FRMD4A: variants seen among roughly 807,000 people sequenced by gnomAD.
FRMD4A encodes the protein FERM domain containing 4A.
A neutral mutation model predicts 129.1 loss-of-function variants in FRMD4A; 29 were observed. The ratio of observed to expected loss-of-function variants is 0.22; its 90% confidence interval spans 0.17 to 0.31. The LOEUF (loss-of-function observed/expected upper bound fraction) is 0.31, where lower values mean the gene tolerates loss of function less well. FRMD4A is among the 10% of genes least tolerant of loss of function. FRMD4A has a pLI of 1.00. For synonymous variants in FRMD4A, 634 were observed against 571.6 expected, an observed-to-expected ratio of 1.11 and a Z score of -1.56; for missense variants, 1,272 against 1,375.8, an observed-to-expected ratio of 0.92 and a Z score of 1.19.
intron 2 of FRMD4A, among the ~76,000 whole-genome samples, chr10:13,882,611 CA>C (rs2094559811): frequency 6.6e-6 from 1 of 152,200 alleles, no homozygotes; most frequent in African/African-American, 2.4e-5. Flanking sequence ...GATGGACGGA[CA>C]GGCTCCTTCA....
chr10:13,850,314 A>C (rs1330869195), intron 3 of FRMD4A, among the ~76,000 whole-genome samples: 1 of 152,134 alleles, frequency 6.6e-6, no homozygotes, highest in Non-Finnish European at 1.5e-5. Flanking sequence ...AATAGCCCAG[A>C]CTATTTACTT....
At chr10:14,277,728 T>C (rs1432275751) in intron 2 of FRMD4A, among the ~76,000 whole-genome samples, 1 of 152,176 alleles carries the variant, frequency 6.6e-6, no homozygotes, top group Non-Finnish European at 1.5e-5. Flanking sequence ...CCTTACAGCC[T>C]CTCCACTCCT....
chr10:14,025,299 C>CT (rs11422286), intron 2 of FRMD4A, among the ~76,000 whole-genome samples: 35,318 of 147,552 alleles, frequency 0.24, 4,170 homozygotes, highest in East Asian at 0.42. Context: ...CCAAAGTTTG[C>CT]TTTTTTTTTT....
intron 2 of FRMD4A, among the ~76,000 whole-genome samples, chr10:13,936,886 A>G (rs1454009631): frequency 2.0e-5 from 3 of 152,174 alleles, no homozygotes; most frequent in Admixed American, 6.5e-5. Flanking sequence ...CATCACTTAC[A>G]TGGCACACTC....
chr10:13,976,813 A>G (rs1275524615), intron 2 of FRMD4A, among the ~76,000 whole-genome samples: 1 of 152,248 alleles, frequency 6.6e-6, no homozygotes, highest in African/African-American at 2.4e-5. Context: ...ATCTGTTTGT[A>G]AAAACGTCAG....
chr10:13,827,484 G>C (rs1195995561), intron 3 of FRMD4A, among the ~76,000 whole-genome samples: 1 of 152,198 alleles, frequency 6.6e-6, no homozygotes, highest in African/African-American at 2.4e-5. Context: ...GTTTTATTAG[G>C]TTTTTAACGC....
At chr10:13,813,008 G>C (rs1334195817) in intron 3 of FRMD4A, among the ~76,000 whole-genome samples, 2 of 152,252 alleles carry the variant, frequency 1.3e-5, no homozygotes, top group Non-Finnish European at 2.9e-5. Flanking sequence ...CAAGATGGGT[G>C]CTCTTGAAGC....
At chr10:13,878,290 GGA>G (rs1330326798) in intron 2 of FRMD4A, among the ~76,000 whole-genome samples, 1 of 150,538 alleles carries the variant, frequency 6.6e-6, no homozygotes, top group Non-Finnish European at 1.5e-5. Context: ...AAAGAAGGAA[GGA>G]GAGAGATGTT....
chr10:14,009,918 C>T (rs1056125276), intron 2 of FRMD4A, among the ~76,000 whole-genome samples: 4 of 152,074 alleles, frequency 2.6e-5, no homozygotes, highest in Admixed American at 6.6e-5. Flanking sequence ...GCCTGCACTG[C>T]CTGGTTTCAG....
intron 12 of FRMD4A, among the ~76,000 whole-genome samples, chr10:13,732,128 G>A (rs1028034694): frequency 3.9e-5 from 6 of 152,230 alleles, no homozygotes; most frequent in Middle Eastern, 3.4e-3. Context: ...CGGAGCCACC[G>A]GTGAGGTCCC....
intron 2 of FRMD4A, among the ~76,000 whole-genome samples, chr10:14,155,308 G>A (rs1840540745): frequency 6.6e-6 from 1 of 152,148 alleles, no homozygotes. Context: ...ATAAATACAT[G>A]AATAGATTCT....
intron 2 of FRMD4A, among the ~76,000 whole-genome samples, chr10:13,892,513 A>G (rs1225554057): frequency 6.6e-6 from 1 of 152,188 alleles, no homozygotes; most frequent in South Asian, 2.1e-4. Context: ...CCCACCAAGA[A>G]CAATAACTCA....
At chr10:14,303,584 A>G (rs1215226542) in intron 2 of FRMD4A, among the ~76,000 whole-genome samples, 1 of 152,224 alleles carries the variant, frequency 6.6e-6, no homozygotes, top group African/African-American at 2.4e-5. Flanking sequence ...GCAGAAGATT[A>G]CATTTATGGG....
At chr10:14,297,660 C>T (rs145432059) in intron 2 of FRMD4A, among the ~76,000 whole-genome samples, 62 of 152,284 alleles carry the variant, frequency 4.1e-4, no homozygotes, top group African/African-American at 5.5e-4. Context: ...ACCTACTCTA[C>T]GTTAACCACT....
At chr10:14,135,354 G>A (rs1839479608) in intron 2 of FRMD4A, among the ~76,000 whole-genome samples, 1 of 152,148 alleles carries the variant, frequency 6.6e-6, no homozygotes, top group Non-Finnish European at 1.5e-5. Flanking sequence ...ACTGCTAAGT[G>A]TCCAAACTGT....
At chr10:13,879,361 A>G (rs2131115269) in intron 2 of FRMD4A, among the ~76,000 whole-genome samples, 1 of 152,238 alleles carries the variant, frequency 6.6e-6, no homozygotes, top group Middle Eastern at 3.4e-3. Flanking sequence ...TCTTTTAAAA[A>G]ACGTAGCCAG....
At chr10:13,849,961 G>T (rs2094118334) in intron 3 of FRMD4A, among the ~76,000 whole-genome samples, 1 of 151,608 alleles carries the variant, frequency 6.6e-6, no homozygotes, top group Admixed American at 6.6e-5. Context: ...CTGAGATCAG[G>T]AGTTCGAGAC....
intron 3 of FRMD4A, among the ~76,000 whole-genome samples, chr10:13,811,851 C>T (rs919869803): frequency 4.6e-5 from 7 of 151,076 alleles, no homozygotes; most frequent in African/African-American, 9.7e-5. Flanking sequence ...GCACACTCAC[C>T]AGATATTAGG....
Position 14,144,357 on chromosome 10 carries a change from G to A in FRMD4A, c.45+185701C>T, listed in dbSNP as rs560842356. Among the ~76,000 whole-genome samples the A allele has an allele frequency of 5.9e-5, 9 of 152,276 alleles. No individual in the cohort carries two copies. The East Asian group carries it at 1.5e-3, about 26-fold the overall frequency. On this transcript the variant is annotated intron_variant, in intron 2 of 24. Coordinates refer to ENST00000357447, the MANE Select transcript of FRMD4A (RefSeq NM_018027.5). ...AGGAGAGAGGAGGGGACCGAAAAAG[G>A]AATCTACGCATCCGAAGAATTCTTG...
Sources: allele counts gnomAD v4.1 joint callset (sites outside exome capture counted in the v4.1 genomes callset), GRCh38; gene constraint gnomAD v4.1.1; transcripts MANE v1.5; gene names NCBI Gene and HGNC (gene_info 2026-07-23, HGNC 2026-07-21).